The following ADCY8 variants were observed in gnomAD, a reference collection of about 807,000 sequenced individuals.
The protein encoded by ADCY8 is adenylate cyclase type 8.
In ADCY8, 51 loss-of-function variants were observed where a neutral mutation model predicts 119.7. The observed-to-expected ratio is 0.43, with a 90% CI of 0.34 to 0.54. The LOEUF (loss-of-function observed/expected upper bound fraction) is 0.54, where lower values mean the gene tolerates loss of function less well. Ranked by LOEUF, ADCY8 falls within the 20% of genes least tolerant of loss-of-function variation. ADCY8 has a pLI of 0.03. For missense variants in ADCY8, 1,383 were observed against 1,598.8 expected (o/e 0.87, Z 2.30); for synonymous variants, 665 against 651.0 (o/e 1.02, Z -0.33).
At chr8:130,917,300 T>G (rs544704839) in intron 5 of ADCY8, among the ~76,000 whole-genome samples, 1 of 152,274 alleles carries the variant, frequency 6.6e-6, no homozygotes, top group East Asian at 1.9e-4. Context: ...AACAGACAGA[T>G]CAAGTTCTGC....
intron 1 of ADCY8, among the ~76,000 whole-genome samples, chr8:131,031,028 C>G (rs1823980378): frequency 6.6e-6 from 1 of 152,152 alleles, no homozygotes; most frequent in Non-Finnish European, 1.5e-5. Context: ...TTCAACTGAC[C>G]TTGAAGAAAA....
intron 7 of ADCY8, among the ~76,000 whole-genome samples, chr8:130,889,268 C>T (rs1189445855): frequency 6.6e-6 from 1 of 152,094 alleles, no homozygotes; most frequent in Admixed American, 6.6e-5. Flanking sequence ...ATGTCTTTGT[C>T]CCCAGGGCCT....
chr8:131,032,974 C>T (rs895598381), intron 1 of ADCY8, among the ~76,000 whole-genome samples: 1 of 152,168 alleles, frequency 6.6e-6, no homozygotes, highest in African/African-American at 2.4e-5. Flanking sequence ...ACCTTCAATA[C>T]TGCCACTAAT....
intron 8 of ADCY8, among the ~76,000 whole-genome samples, chr8:130,875,302 T>C (rs1818519638): frequency 6.6e-6 from 1 of 152,224 alleles, no homozygotes; most frequent in Non-Finnish European, 1.5e-5. Flanking sequence ...ATATTCATAC[T>C]ATGTTGGGAC....
chr8:130,933,705 C>T (rs1820702032), intron 5 of ADCY8, among the ~76,000 whole-genome samples: 1 of 152,090 alleles, frequency 6.6e-6, no homozygotes, highest in Admixed American at 6.6e-5. Flanking sequence ...ATCTTAAATT[C>T]AATAAAATGA....
At chr8:130,981,576 C>A (rs1822241679) in intron 2 of ADCY8, among the ~76,000 whole-genome samples, 1 of 152,074 alleles carries the variant, frequency 6.6e-6, no homozygotes, top group Non-Finnish European at 1.5e-5. Context: ...CTCCTCCAGG[C>A]TGGATCAAAG....
chr8:130,899,213 G>T (rs183613794), intron 7 of ADCY8, among the ~76,000 whole-genome samples: 168 of 152,282 alleles, frequency 1.1e-3, no homozygotes, highest in African/African-American at 3.8e-3. Flanking sequence ...CTCTGACAAT[G>T]CCTTCTGTAT....
At chr8:130,817,698 C>T (rs964323679) in intron 13 of ADCY8, among the ~76,000 whole-genome samples, 2 of 152,064 alleles carry the variant, frequency 1.3e-5, no homozygotes, top group African/African-American at 4.8e-5. Flanking sequence ...ACTTAAAAAC[C>T]AGAACCTCAT....
intron 2 of ADCY8, among the ~76,000 whole-genome samples, chr8:130,958,279 C>T (rs995713684): frequency 1.3e-5 from 2 of 152,212 alleles, no homozygotes; most frequent in Non-Finnish European, 2.9e-5. Context: ...GACATTAAAA[C>T]AGCCCAGTTT....
intron 3 of ADCY8, among the ~76,000 whole-genome samples, chr8:130,950,214 T>C (rs1821229055): frequency 6.6e-6 from 1 of 152,182 alleles, no homozygotes; most frequent in African/African-American, 2.4e-5. Context: ...TTATGATATT[T>C]GGTGGGTGGG....
At chr8:131,008,631 C>T (rs1461036493) in intron 1 of ADCY8, among the ~76,000 whole-genome samples, 1 of 152,038 alleles carries the variant, frequency 6.6e-6, no homozygotes, top group Non-Finnish European at 1.5e-5. Context: ...AAATTGGTAC[C>T]AGGAGTGGTG....
chr8:130,885,996 G>A (rs1236139333), intron 7 of ADCY8, among the ~76,000 whole-genome samples: 3 of 151,870 alleles, frequency 2.0e-5, no homozygotes, highest in East Asian at 1.9e-4. Flanking sequence ...CTCATTTGCC[G>A]CCAAGCCAGA....
intron 8 of ADCY8, among the ~76,000 whole-genome samples, chr8:130,878,924 A>G (rs555805707): frequency 6.6e-6 from 1 of 152,230 alleles, no homozygotes; most frequent in Non-Finnish European, 1.5e-5. Flanking sequence ...ATTTTGAAGT[A>G]TATATTAAAC....
intron 2 of ADCY8, among the ~76,000 whole-genome samples, chr8:130,975,493 G>A (rs1822045293): frequency 6.6e-6 from 1 of 152,216 alleles, no homozygotes; most frequent in Non-Finnish European, 1.5e-5. Context: ...CATTGTAGAA[G>A]CAAGAACCTT....
intron 1 of ADCY8, among the ~76,000 whole-genome samples, chr8:131,015,365 T>C (rs1823438512): frequency 1.3e-5 from 2 of 152,316 alleles, no homozygotes; most frequent in African/African-American, 4.8e-5. Context: ...AAGGTATCTC[T>C]GATGAGGTTA....
rs1010881084 is a variant in ADCY8, at chr8:130,942,105, A to G, written c.1353+1246T>C. On this transcript the variant is annotated intron_variant, in intron 4 of 17. Coordinates refer to ENST00000286355, the MANE Select transcript of ADCY8 (RefSeq NM_001115.3). ...TTCCCAGCCCTCCTTGCAGCTACTT[A>G]TCTGTTTTCTGCCTCTGTAATTGTA... 3.3e-5 allele frequency among the ~76,000 whole-genome samples: 5 copies of G among 152,084 alleles called. No homozygotes were observed. In the South Asian group the frequency reaches 6.2e-4, roughly 19 times the overall value.
intron 13 of ADCY8, among the ~76,000 whole-genome samples, chr8:130,815,733 T>C (rs1183685962): frequency 2.0e-5 from 3 of 152,180 alleles, no homozygotes; most frequent in Non-Finnish European, 4.4e-5. Context: ...TAGCTTAGAG[T>C]TCTAGTTCCA....
At chr8:130,854,808 TCCC>T (rs1817656477) in intron 9 of ADCY8, among the ~76,000 whole-genome samples, 1 of 82,006 alleles carries the variant, frequency 1.2e-5, no homozygotes, top group African/African-American at 5.8e-5. Context: ...CCTCCGTCCC[TCCC>T]TCCCTCCCTC....
intron 1 of ADCY8, among the ~76,000 whole-genome samples, chr8:131,033,460 A>G (rs1192231972): frequency 1.3e-5 from 2 of 152,174 alleles, no homozygotes; most frequent in African/African-American, 2.4e-5. Context: ...TTAGCATGAC[A>G]TTGTAGCAGC....
Sources: gnomAD v4.1 joint callset for allele counts (sites outside exome capture counted in the v4.1 genomes callset) on GRCh38, gnomAD v4.1.1 for gene constraint, MANE v1.5 for transcripts, NCBI Gene and HGNC (gene_info 2026-07-23, HGNC 2026-07-21) for gene names.